The following RAD1 variants were observed in gnomAD, a reference collection of about 807,000 sequenced individuals.
RAD1 encodes RAD1 checkpoint DNA exonuclease, also known as cell cycle checkpoint protein RAD1.
A neutral mutation model predicts 30.0 loss-of-function variants in RAD1; 21 were observed. That is an observed-to-expected ratio of 0.70 (90% confidence interval 0.50 to 1.01). RAD1 has a LOEUF of 1.01. RAD1 is among the 50% of genes least tolerant of loss of function. RAD1 has a pLI of 0.00. For synonymous variants in RAD1, 109 were observed against 113.6 expected, an observed-to-expected ratio of 0.96 and a Z score of 0.26; for missense variants, 329 against 329.0, an observed-to-expected ratio of 1.00 and a Z score of 0.00.
chr5:34,914,777 T>G lies in RAD1; in HGVS notation c.116A>C (p.His39Pro). 1 of 1,614,252 alleles carries G rather than the reference T, an allele frequency of 6.2e-7. No homozygotes were observed. The change falls in exon 2 of 6, where the codon CAT becomes CCT. Residue 39 changes from histidine to proline, a missense_variant. Transcript: ENST00000382038. The stretch of plus-strand genomic sequence containing the variant: ...ATTTTTAGTTGCGAAACACGTGGCA[T>G]GTTCTCGGAAATGAATAGCTTTCAA... ...TILKAIHFREHATCFATKNGI... is the reference protein window; with the variant it reads ...TILKAIHFREPATCFATKNGI...
intron 4 of RAD1, among the ~76,000 whole-genome samples, 199 bp from the exon 5 acceptor site, chr5:34,909,555 A>G (rs1284347193): frequency 3.3e-5 from 5 of 152,134 alleles, no homozygotes; most frequent in African/African-American, 1.2e-4. Flanking sequence ...GGGTTTGAAG[A>G]AAATCAATTG....
chr5:34,911,640 T>A lies in RAD1; in HGVS notation c.480A>T (p.Ser160=). Residue 160 remains serine, a synonymous_variant, in exon 4 of 6, where the codon TCA becomes TCT. Coordinates refer to ENST00000382038, the MANE Select transcript of RAD1 (RefSeq NM_002853.4). The part of the protein sequence containing the change: ...TNVINKIILQ[S]EGLREAFSEL... ...CAGAAAATGCTTCACGGAGCCCCTC[T>A]GACTGCAGAATAATTTTATTAATAA... The A allele has an allele frequency of 6.2e-7, 1 of 1,614,180 alleles. No homozygotes were observed. Among genetic ancestry groups the A allele is most frequent in the South Asian group, 1.1e-5 (1 of 91,080 alleles).
intron 2 of RAD1, 96 bp downstream of exon 2, chr5:34,914,599 G>T: frequency 1.8e-6 from 2 of 1,112,878 alleles, no homozygotes; most frequent in Non-Finnish European, 1.3e-6. Flanking sequence ...AAGTTATTAT[G>T]ACTATTAAGT....
intron 2 of RAD1, 84 bp from the exon 3 acceptor site, chr5:34,913,662 T>A (rs1236907192): frequency 1.3e-6 from 1 of 768,222 alleles, no homozygotes; most frequent in Non-Finnish European, 2.1e-6. Context: ...TTTATACGTT[T>A]AAAAAATACA....
intron 2 of RAD1, chr5:34,913,808 C>A (rs1763939681): frequency 5.7e-6 from 3 of 529,710 alleles, no homozygotes; most frequent in Admixed American, 2.7e-5. Flanking sequence ...CGTTTTTGTG[C>A]CTATCACTAC....
rs151043615 is a variant in RAD1, at chr5:34,908,858, T to C, written c.756A>G (p.Ser252=). The C allele has an allele frequency of 8.6e-5, 138 of 1,612,676 alleles. No homozygotes were observed. The highest frequency in any genetic ancestry group is 1.3e-4 in the Admixed American group (8 of 59,958). The change falls in exon 6 of 6, where the codon TCA becomes TCG. Residue 252 remains serine (S), a synonymous_variant. Coordinates refer to ENST00000382038, the MANE Select transcript of RAD1 (RefSeq NM_002853.4). Reference sequence around the variant, plus strand: ...CTTCATTTCTAATCATATACTGTAATGAAAGGAAGCCTCTGTTATCTGTCC... The same window carrying C: ...CTTCATTTCTAATCATATACTGTAACGAAAGGAAGCCTCTGTTATCTGTCC... ...SIRTDNRGFL[S]LQYMIRNEDG...
rs368625816 is a variant in RAD1 at position 34,913,226 on chromosome 5, C to T, written c.307+244G>A. On this transcript the variant is annotated intron_variant, in intron 3 of 5. Transcript: ENST00000382038. ...GTCCAAAGTATTCTTTTGGCCAGTT[C>T]GAATTTACAATCCCTCAAAGCCTTG... Among the ~76,000 whole-genome samples, 8 of 151,862 alleles carry T rather than the reference C, an allele frequency of 5.3e-5. No individual in the cohort carries two copies. The East Asian group carries it at 1.2e-3, about 22-fold the overall frequency.
Position 34,908,075 on chromosome 5 carries a change from AAACT to A in RAD1, c.*686_*689del, listed in dbSNP as rs1223626876. On this transcript the variant is annotated 3_prime_UTR_variant, in exon 6 of 6. Transcript: ENST00000382038. The stretch of plus-strand genomic sequence containing the variant: ...CTTTAAGATCTAGTCTCTAGAATTC[AAACT>A]AATAAGCAATGCCCATATGCCTTTG... The A allele has an allele frequency of 8.5e-5, 13 of 152,332 alleles. No individual in the cohort carries two copies. The highest frequency in any genetic ancestry group is 3.9e-4 in the Admixed American group (6 of 15,304). The allele number at this position is 152,332 out of a possible 1,614,324, so 9.4% of individuals were successfully genotyped here.
rs1466266934 is a variant in RAD1, at chr5:34,907,599, A to T, written c.*1166T>A. On this transcript the variant is annotated 3_prime_UTR_variant, in exon 6 of 6. Transcript: ENST00000382038. Reference sequence around the variant, plus strand: ...CAGGAAAGTACAAAATCACTTAATAACTGGTTTTCTACACCTTGATTTGTC... The same window carrying T: ...CAGGAAAGTACAAAATCACTTAATATCTGGTTTTCTACACCTTGATTTGTC... The T allele has an allele frequency of 6.6e-6, 1 of 152,192 alleles. No individual in the cohort carries two copies. The highest frequency in any genetic ancestry group is 1.5e-5 in the Non-Finnish European group (1 of 68,018). 9.4% of individuals were successfully genotyped at this position (152,192 alleles called of 1,614,324 possible). A position where few individuals can be genotyped will look rare whatever the true frequency, so the allele number is the denominator to read the frequency against.
rs1292585075 is a variant in RAD1, at chr5:34,914,926, C to T, written c.-34G>A. 6.2e-7 allele frequency: 1 copy of T among 1,609,148 alleles called. No homozygotes were observed. The highest frequency in any genetic ancestry group is 8.5e-7 in the Non-Finnish European group (1 of 1,176,486). ...GCGCATTCGGCCCCGAGGGATGCTC[C>T]TGGGGCCAACAACTTCTCGGCGGAT... On this transcript the variant is annotated 5_prime_UTR_variant, in exon 2 of 6. Coordinates refer to ENST00000382038, the MANE Select transcript of RAD1 (RefSeq NM_002853.4).
chr5:34,915,185 G>A (rs1764013821), intron 1 of RAD1, among the ~76,000 whole-genome samples: 1 of 152,344 alleles, frequency 6.6e-6, no homozygotes, highest in African/African-American at 2.4e-5. Context: ...GAAGAATGAA[G>A]ACACGCAACT....
At position 34,907,148 on chromosome 5, in the gene RAD1, A is replaced by C. The variant is rs1270773274; in HGVS notation, c.*1617T>G. ...TGCTGGAGTAGCCTCCTTGCAGCAC[A>C]CTTTGCTGTAATACTCTCCAAACCA... is the stretch of plus-strand genomic sequence containing the variant. On this transcript the variant is annotated 3_prime_UTR_variant, in exon 6 of 6. Coordinates refer to ENST00000382038, the MANE Select transcript of RAD1 (RefSeq NM_002853.4). The C allele has an allele frequency of 6.6e-6, 1 of 152,232 alleles. No homozygotes were observed. Among genetic ancestry groups the C allele is most frequent in the African/African-American group, 2.4e-5 (1 of 41,464 alleles). The allele number at this position is 152,232 out of a possible 1,614,324, so 9.4% of individuals were successfully genotyped here.
rs1156821890 is a variant in RAD1, at chr5:34,906,011, A to T, written c.*2754T>A. On this transcript the variant is annotated 3_prime_UTR_variant, in exon 6 of 6. Coordinates refer to ENST00000382038, the MANE Select transcript of RAD1 (RefSeq NM_002853.4). ...GCTCTGTCACCCAGGCTGGAGTGCA[A>T]TGGTGCAATCTCGGCTCACTGCAAC... 3 of 151,816 alleles carry T rather than the reference A, an allele frequency of 2.0e-5. No homozygotes were observed. The highest frequency in any genetic ancestry group is 7.3e-5 in the African/African-American group (3 of 41,304). 9.4% of individuals were successfully genotyped at this position (151,816 alleles called of 1,614,324 possible). A position where few individuals can be genotyped will look rare whatever the true frequency, so the allele number is the denominator to read the frequency against.
chr5:34,905,943 A>G lies in RAD1; in HGVS notation c.*2822T>C, dbSNP rs914830415. ...TAGCTGAAGACATGCAGCTAAAACA[A>G]TAATTTTTATTTTAATTTTTTTTGT... On this transcript the variant is annotated 3_prime_UTR_variant, in exon 6 of 6. Transcript: ENST00000382038. 2.0e-5 allele frequency: 3 copies of G among 152,024 alleles called. No homozygotes were observed. Among genetic ancestry groups the G allele is most frequent in the African/African-American group, 7.2e-5 (3 of 41,386 alleles). 9.4% of individuals were successfully genotyped at this position (152,024 alleles called of 1,614,324 possible).
Position 34,913,565 on chromosome 5 carries a change from T to C in RAD1, c.212A>G (p.Gln71Arg), listed in dbSNP as rs1763918527. 1.3e-6 allele frequency: 2 copies of C among 1,586,428 alleles called. No homozygotes were observed. The highest frequency in any genetic ancestry group is 1.7e-6 in the Non-Finnish European group (2 of 1,163,880). ...AGACTCTTCCTGAACTTTAAACTCC[T>C]GAAATATTCCAGCCTATGAAAAGAG... is the stretch of plus-strand genomic sequence containing the variant. ...ANAFIQAGIF[Q>R]EFKVQEESVT... The change falls in exon 3 of 6, where the codon CAG (glutamine) becomes CGG (arginine). Residue 71 changes from glutamine to arginine, a missense_variant. Coordinates refer to ENST00000382038, the MANE Select transcript of RAD1 (RefSeq NM_002853.4).
In RAD1 at chr5:34,907,248, T is replaced by A. The variant is rs1763680695; in HGVS notation, c.*1517A>T. On this transcript the variant is annotated 3_prime_UTR_variant, in exon 6 of 6. Transcript: ENST00000382038. ...ATCCTCCAATTTTGGTGAATACAAT[T>A]GAATGGTTCTCAACAATGAATAGTT... The A allele has an allele frequency of 6.6e-6, 1 of 152,210 alleles. No homozygotes were observed. The highest frequency in any genetic ancestry group is 6.5e-5 in the Admixed American group (1 of 15,274). 9.4% of individuals were successfully genotyped at this position (152,210 alleles called of 1,614,324 possible).
In RAD1 at chr5:34,905,536, C is replaced by T. The variant is rs928807564; in HGVS notation, c.*3229G>A. ...ATACTTTTATTATTTTGAAGCATTT[C>T]ATCAATTCTCGGTGGAAGCACTACA... On this transcript the variant is annotated 3_prime_UTR_variant, in exon 6 of 6. Coordinates refer to ENST00000382038, the MANE Select transcript of RAD1 (RefSeq NM_002853.4). The T allele has an allele frequency of 4.0e-5, 6 of 151,376 alleles. No homozygotes were observed. Among genetic ancestry groups the T allele is most frequent in the African/African-American group, 1.5e-4 (6 of 41,144 alleles). The allele number at this position is 151,376 out of a possible 1,614,324, so 9.4% of individuals were successfully genotyped here. A position where few individuals can be genotyped will look rare whatever the true frequency, so the allele number is the denominator to read the frequency against.
chr5:34,909,232 T>C (rs1359450864), intron 5 of RAD1, 26 bp downstream of exon 5: 1 of 1,495,268 alleles, frequency 6.7e-7, no homozygotes, highest in Non-Finnish European at 9.2e-7. Context: ...TTATCACCAA[T>C]GACAACCTCT....
intron 3 of RAD1, among the ~76,000 whole-genome samples, chr5:34,912,190 G>C (rs942297132): frequency 2.0e-5 from 3 of 152,238 alleles, no homozygotes; most frequent in Non-Finnish European, 2.9e-5. Flanking sequence ...AAGGTTCAAT[G>C]TGTGTAACAG....
Sources: allele counts gnomAD v4.1 joint callset (sites outside exome capture counted in the v4.1 genomes callset), GRCh38; gene constraint gnomAD v4.1.1; transcripts MANE v1.5; gene names NCBI Gene and HGNC (gene_info 2026-07-23, HGNC 2026-07-21).